HIBADH: variants seen among roughly 807,000 people sequenced by gnomAD.
The protein encoded by HIBADH is 3-hydroxyisobutyrate dehydrogenase, mitochondrial.
HIBADH carries 25 observed loss-of-function variants against 36.1 expected under a neutral mutation model. That is an observed-to-expected ratio of 0.69 (90% CI 0.50 to 0.97). The LOEUF (loss-of-function observed/expected upper bound fraction) is 0.97, where lower values mean the gene tolerates loss of function less well. HIBADH is among the 50% of genes least tolerant of loss of function. HIBADH has a pLI of 0.00. For synonymous variants in HIBADH, 160 were observed against 149.5 expected (o/e 1.07, Z -0.51); for missense variants, 421 against 418.0 (o/e 1.01, Z -0.06).
chr7:27,612,976 A>T (rs1220317064), intron 4 of HIBADH, among the ~76,000 whole-genome samples: 1 of 138,434 alleles, frequency 7.2e-6, no homozygotes, highest in Non-Finnish European at 1.5e-5. Context: ...TATATATATT[A>T]TATATATATT....
Position 27,526,291 on chromosome 7 carries a change from T to A in HIBADH, c.934A>T (p.Met312Leu). 1 of 1,613,760 alleles carries A rather than the reference T, an allele frequency of 6.2e-7. No homozygotes were observed. The highest frequency in any genetic ancestry group is 8.5e-7 in the Non-Finnish European group (1 of 1,179,852). ...TTTGAGTAGCCCTTTGCACACATCA[T>A]CCTGTAGATCTGATGGGCCAGACTG... ...LGSLAHQIYR[M>L]MCAKGYSKKD... The change falls in exon 8 of 8, where the codon ATG (methionine) becomes TTG (leucine). Residue 312 changes from methionine to leucine, a missense_variant. Transcript: ENST00000265395.
chr7:27,649,793 G>C (rs959386932), intron 1 of HIBADH, among the ~76,000 whole-genome samples, 160 bp from the exon 2 acceptor site: 3 of 151,532 alleles, frequency 2.0e-5, no homozygotes, highest in Non-Finnish European at 2.9e-5. Context: ...AGCTACTTGG[G>C]AGGCTGAGGT....
chr7:27,585,141 T>C (rs533303539), intron 4 of HIBADH, among the ~76,000 whole-genome samples: 1 of 152,158 alleles, frequency 6.6e-6, no homozygotes, highest in African/African-American at 2.4e-5. Context: ...TATACATACA[T>C]ACAGGTGTGC....
chr7:27,599,993 A>G (rs1785101876), intron 4 of HIBADH, among the ~76,000 whole-genome samples: 1 of 152,184 alleles, frequency 6.6e-6, no homozygotes, highest in Admixed American at 6.5e-5. Flanking sequence ...GGAAGAAGTA[A>G]CAGAGATAAG....
At chr7:27,644,972 T>C (rs1216126183) in intron 2 of HIBADH, among the ~76,000 whole-genome samples, 2 of 152,158 alleles carry the variant, frequency 1.3e-5, no homozygotes, top group Non-Finnish European at 2.9e-5. Context: ...TTTATCAATG[T>C]TGCAGCAAAT....
intron 2 of HIBADH, among the ~76,000 whole-genome samples, chr7:27,639,418 C>A (rs992098825): frequency 2.6e-5 from 4 of 151,988 alleles, no homozygotes; most frequent in African/African-American, 9.7e-5. Flanking sequence ...AAAGGAACAA[C>A]AGACACTTGA....
intron 4 of HIBADH, among the ~76,000 whole-genome samples, chr7:27,582,388 C>A (rs1583580805): frequency 6.6e-6 from 1 of 152,182 alleles, no homozygotes; most frequent in East Asian, 1.9e-4. Context: ...TGTTACATAG[C>A]ATATGGTAAA....
intron 4 of HIBADH, among the ~76,000 whole-genome samples, chr7:27,608,889 C>T (rs1164947547): frequency 1.2e-4 from 18 of 152,172 alleles, no homozygotes; most frequent in African/African-American, 3.9e-4. Flanking sequence ...GGACCCCTGC[C>T]TTATCCATAT....
intron 4 of HIBADH, among the ~76,000 whole-genome samples, chr7:27,598,043 C>T (rs6980382): frequency 0.76 from 116,000 of 152,132 alleles, 44,724 homozygotes; most frequent in East Asian, 0.94. Context: ...TTGTTTTTAG[C>T]AACAAGTTTA....
chr7:27,561,807 A>C (rs1477446130), intron 4 of HIBADH, among the ~76,000 whole-genome samples: 2 of 152,142 alleles, frequency 1.3e-5, no homozygotes, highest in Admixed American at 1.3e-4. Context: ...ATACACGTTT[A>C]CATTGTCATA....
At chr7:27,584,536 T>C (rs748258881) in intron 4 of HIBADH, among the ~76,000 whole-genome samples, 1 of 151,666 alleles carries the variant, frequency 6.6e-6, no homozygotes, top group Non-Finnish European at 1.5e-5. Flanking sequence ...TAAGACTCAC[T>C]TTTTTCTTTC....
intron 4 of HIBADH, among the ~76,000 whole-genome samples, chr7:27,557,892 T>G (rs1050695132): frequency 6.6e-6 from 1 of 152,172 alleles, no homozygotes; most frequent in Non-Finnish European, 1.5e-5. Flanking sequence ...CTACATAAGA[T>G]TTGTCTTTTA....
chr7:27,631,928 A>G (rs556682446), intron 3 of HIBADH, among the ~76,000 whole-genome samples: 2 of 152,304 alleles, frequency 1.3e-5, no homozygotes, highest in East Asian at 3.9e-4. Flanking sequence ...TTTTTTTCGT[A>G]TAATAAAATG....
At chr7:27,615,851 A>G (rs58747588) in intron 4 of HIBADH, among the ~76,000 whole-genome samples, 72,491 of 152,030 alleles carry the variant, frequency 0.48, 18,589 homozygotes, top group East Asian at 0.94. Flanking sequence ...TCCAGAAGAA[A>G]GCATTGTTAT....
intron 2 of HIBADH, among the ~76,000 whole-genome samples, chr7:27,641,234 AAAC>A (rs1785954825): frequency 1.3e-5 from 2 of 152,242 alleles, no homozygotes; most frequent in Admixed American, 6.5e-5. Context: ...CACTTCTTCA[AAAC>A]AACATCTGAT....
chr7:27,536,928 T>C, intron 6 of HIBADH, among the ~76,000 whole-genome samples: 1 of 152,176 alleles, frequency 6.6e-6, no homozygotes, highest in Non-Finnish European at 1.5e-5. Flanking sequence ...AAAATAAAAA[T>C]AAAATTCTAA....
intron 5 of HIBADH, 33 bp downstream of exon 5, chr7:27,542,934 A>G: frequency 6.3e-7 from 1 of 1,599,462 alleles, no homozygotes; most frequent in East Asian, 2.2e-5. Flanking sequence ...ATTTTACATC[A>G]TCAAGTCAAG....
chr7:27,615,398 A>G (rs1785408361), intron 4 of HIBADH, among the ~76,000 whole-genome samples: 1 of 152,252 alleles, frequency 6.6e-6, no homozygotes. Context: ...AAATGTTAAT[A>G]GAGTTAAATT....
chr7:27,538,192 A>G lies in HIBADH; in HGVS notation c.695+149T>C, dbSNP rs560320169. 4.7e-6 allele frequency: 3 copies of G among 637,662 alleles called. No individual in the cohort carries two copies. In the South Asian group the frequency reaches 6.0e-5, roughly 13 times the overall value. The allele number at this position is 637,662 out of a possible 1,614,324, so 39.5% of individuals were successfully genotyped here. ...GGGTCCTATTGCTTGTCCAATAAGC[A>G]AAGTCTATTAAAGTTCAATAATGAA... On this transcript the variant is annotated intron_variant, in intron 6 of 7. Transcript: ENST00000265395.
Sources: gnomAD v4.1 joint callset for allele counts (sites outside exome capture counted in the v4.1 genomes callset) on GRCh38, gnomAD v4.1.1 for gene constraint, MANE v1.5 for transcripts, NCBI Gene and HGNC (gene_info 2026-07-23, HGNC 2026-07-21) for gene names.